The following ARHGEF1 variants were observed in gnomAD, a reference collection of about 807,000 sequenced individuals.
ARHGEF1 encodes the protein Rho guanine nucleotide exchange factor 1, also known as 115 kDa guanine nucleotide exchange factor.
In ARHGEF1, 40 loss-of-function variants were observed where a neutral mutation model predicts 119.7. The ratio of observed to expected loss-of-function variants is 0.33; its 90% CI spans 0.26 to 0.44. ARHGEF1 has a LOEUF of 0.44. Ranked by LOEUF, ARHGEF1 falls within the 20% of genes least tolerant of loss-of-function variation. The pLI is 1.00. For synonymous variants in ARHGEF1, 494 were observed against 521.0 expected (o/e 0.95, Z 0.71); for missense variants, 976 against 1,268.3 (o/e 0.77, Z 3.50).
Position 41,889,878 on chromosome 19 carries a change from T to TC in ARHGEF1, c.225+1017dup, listed in dbSNP as rs1199392701. The TC allele has an allele frequency of 4.6e-5, 7 of 151,630 alleles. No individual in the cohort carries two copies. The highest frequency in any genetic ancestry group is 1.7e-4 in the African/African-American group (7 of 41,248). The allele number at this position is 151,630 out of a possible 1,614,324, so 9.4% of individuals were successfully genotyped here. On this transcript the variant is annotated intron_variant, in intron 4 of 28. Transcript: ENST00000354532. The surrounding 1 kb of genome is among the most constrained non-coding windows in gnomAD (Gnocchi z 4.0). ...GACTCTGGCCCTCTGAGCAAGGGAG[T>TC]CCCCTATTCAAGCCTTGGGGTTTCT... is the stretch of plus-strand genomic sequence containing the variant.
intron 1 of ARHGEF1, among the ~76,000 whole-genome samples, chr19:41,886,411 A>G (rs1555845255): frequency 6.6e-6 from 1 of 151,924 alleles, no homozygotes; most frequent in Non-Finnish European, 1.5e-5. Context: ...GAGCGTTTCT[A>G]CCTCTGAGTG....
downstream of ARHGEF1, chr19:41,910,215 AGGGACCT>A (rs376855465): frequency 9.8e-7 from 1 of 1,019,136 alleles, no homozygotes; most frequent in African/African-American, 1.6e-5. This position sits in a 1 kb window ranked among gnomAD's most constrained non-coding sequence, Gnocchi z 4.4. Flanking sequence ...AGGCATCTTT[AGGGACCT>A]GGTTTCCACA....
exon 1 of ARHGEF1, chr19:41,923,219 T>C (rs781995091): frequency 4.4e-6 from 2 of 455,882 alleles, no homozygotes; most frequent in Non-Finnish European, 4.4e-6. Flanking sequence ...GAGGTGAGCC[T>C]GGACTTGAAT....
intron 18 of ARHGEF1, among the ~76,000 whole-genome samples, chr19:41,914,587 CT>C (rs1348138912): frequency 4.3e-5 from 3 of 70,260 alleles, no homozygotes; most frequent in Non-Finnish European, 8.6e-5. Flanking sequence ...CTCTCCCTCC[CT>C]TTCCACCATC....
At position 41,895,448 on chromosome 19, in the gene ARHGEF1, T is replaced by C; in HGVS notation, c.977T>C (p.Leu326Pro). The change falls in exon 12 of 29, where the codon CTG becomes CCG. Residue 326 changes from leucine to proline, a missense_variant. Around this residue, in one of 3 missense-constraint regions of ARHGEF1, gnomAD observed 519 missense variants for 580.9 expected, o/e 0.89. Coordinates refer to ENST00000354532, the MANE Select transcript of ARHGEF1 (RefSeq NM_004706.4). ...APGQDTPGVS[L>P]HPLSLDSPDR... ...GGGCAGGACACCCCTGGAGTCTCTC[T>C]GCACCCTCTGTCCCTGGACAGCCCA... 9 of 1,612,032 alleles carry C rather than the reference T, an allele frequency of 5.6e-6. No homozygotes were observed. Among genetic ancestry groups the C allele is most frequent in the Non-Finnish European group, 6.8e-6 (8 of 1,179,480 alleles).
intron 4 of ARHGEF1, chr19:41,890,366 G>T (rs2123390284): frequency 6.6e-6 from 1 of 151,456 alleles, no homozygotes; most frequent in African/African-American, 2.4e-5. Context: ...AAAAAGTGGG[G>T]CCGGGCATGG....
chr19:41,906,941 CTCTGTGTCTCTGTTTCTGATAA>C lies in ARHGEF1; in HGVS notation c.*17+144_*18-137del. 4.2e-6 allele frequency: 4 copies of C among 942,588 alleles called. No homozygotes were observed. The African/African-American group carries it at 6.7e-5, about 16-fold the overall frequency. 58.4% of individuals were successfully genotyped at this position (942,588 alleles called of 1,614,324 possible). ...CCCCACTCCACCTCGTGTTTCTCAT[CTCTGTGTCTCTGTTTCTGATAA>C]TCTGTTTCTCTGTCTCTGTGCCCGC... On this transcript the variant is annotated intron_variant, in intron 28 of 28. Transcript: ENST00000354532. The surrounding 1 kb of genome is among the most constrained non-coding windows in gnomAD (Gnocchi z 4.5).
downstream of ARHGEF1, chr19:41,907,649 A>G: frequency 4.5e-6 from 2 of 441,198 alleles, no homozygotes; most frequent in South Asian, 3.3e-5. Flanking sequence ...TCTCCCTGAC[A>G]CCGCCCTCCA....
downstream of ARHGEF1, among the ~76,000 whole-genome samples, chr19:41,910,498 C>A (rs1189588154): frequency 6.6e-6 from 1 of 152,116 alleles, no homozygotes; most frequent in Non-Finnish European, 1.5e-5. The surrounding 1 kb of genome is among the most constrained non-coding windows in gnomAD (Gnocchi z 4.4). Context: ...GTCTCTTGTA[C>A]CCTGCGGTGC....
In ARHGEF1 at chr19:41,883,996, G is replaced by T. The variant is rs1487599164; in HGVS notation, c.-20+707G>T. ...ATTGCTTTTCCGGTTCCAAAGGAAG[G>T]GGCTGGGGGTGGGAGACGGAGGGGA... On this transcript the variant is annotated intron_variant, in intron 1 of 28. Transcript: ENST00000354532. The surrounding 1 kb of genome is among the most constrained non-coding windows in gnomAD (Gnocchi z 7.6). 1.3e-5 allele frequency among the ~76,000 whole-genome samples: 2 copies of T among 152,212 alleles called. No homozygotes were observed. The highest frequency in any genetic ancestry group is 2.9e-5 in the Non-Finnish European group (2 of 68,042).
Position 41,905,882 on chromosome 19 carries a change from G to C in ARHGEF1, c.2404+55G>C, listed in dbSNP as rs1414550738. The stretch of plus-strand genomic sequence containing the variant: ...CCAGGTTGGGGCTGCCGGGTGAAGA[G>C]AGGCATCCACAGGAGGCCCGGCAGG... On this transcript the variant is annotated intron_variant, in intron 25 of 28. Coordinates refer to ENST00000354532, the MANE Select transcript of ARHGEF1 (RefSeq NM_004706.4). This position sits in a 1 kb window ranked among gnomAD's most constrained non-coding sequence, Gnocchi z 6.4. 4.3e-6 allele frequency: 7 copies of C among 1,613,026 alleles called. No individual in the cohort carries two copies. In the South Asian group the frequency reaches 5.5e-5, roughly 13 times the overall value.
At chr19:41,919,675 C>T (rs188942531), upstream of ARHGEF1, among the ~76,000 whole-genome samples, 17 of 152,216 alleles carry the variant, frequency 1.1e-4, no homozygotes, top group Non-Finnish European at 2.1e-4. Context: ...TCCTCAGCTG[C>T]GTCCTTCACA....
chr19:41,926,206 A>G (rs782180636), intron 1 of ARHGEF1, among the ~76,000 whole-genome samples: 4 of 151,432 alleles, frequency 2.6e-5, no homozygotes, highest in Non-Finnish European at 5.9e-5. Context: ...AGGGGCAGGT[A>G]AGAGGGGACG....
At position 41,894,372 on chromosome 19, in the gene ARHGEF1, C is replaced by T. The variant is rs2074441723; in HGVS notation, c.744+66C>T. On this transcript the variant is annotated intron_variant, in intron 9 of 28. Coordinates refer to ENST00000354532, the MANE Select transcript of ARHGEF1 (RefSeq NM_004706.4). ...GAGACGCCCTGGGAGCCTCATGACT[C>T]TGGATACCTAGCGTCAAATTCTGCT... 12 of 1,518,286 alleles carry T rather than the reference C, an allele frequency of 7.9e-6. No homozygotes were observed. The Admixed American group carries it at 1.1e-4, about 13-fold the overall frequency. 94.1% of individuals were successfully genotyped at this position (1,518,286 alleles called of 1,614,324 possible).
chr19:41,929,634 A>G (rs1235416582), intron 2 of ARHGEF1: 2 of 121,878 alleles, frequency 1.6e-5, no homozygotes, highest in African/African-American at 6.5e-5. Flanking sequence ...ACCACCCCCG[A>G]CTTTTCTCTC....
chr19:41,923,091 G>A (rs1295181622), upstream of ARHGEF1: 2 of 454,756 alleles, frequency 4.4e-6, no homozygotes, highest in African/African-American at 4.0e-5. Context: ...GCTTCCCTCA[G>A]CACCCCATCC....
chr19:41,909,860 C>A, downstream of ARHGEF1: 3 of 1,605,766 alleles, frequency 1.9e-6, no homozygotes, highest in Non-Finnish European at 1.7e-6. The surrounding 1 kb of genome is among the most constrained non-coding windows in gnomAD (Gnocchi z 5.2). Context: ...AGCCCTTCCT[C>A]ACCGCAGGGC....
At chr19:41,884,520 T>C in intron 1 of ARHGEF1, 1 of 1,605,234 alleles carries the variant, frequency 6.2e-7, no homozygotes. Context: ...CCAGCGGGTG[T>C]CAGACCCTGA....
intron 13 of ARHGEF1, 90 bp from the exon 14 acceptor site, chr19:41,898,352 G>C (rs1210263110): frequency 6.5e-7 from 1 of 1,537,322 alleles, no homozygotes; most frequent in South Asian, 1.2e-5. Flanking sequence ...GAATGCCAAG[G>C]CCACTGACCG....
Sources: gnomAD v4.1 joint callset for allele counts (sites outside exome capture counted in the v4.1 genomes callset) on GRCh38, gnomAD v4.1.1 for gene constraint, gnomAD v4.1.1 regional missense constraint, Gnocchi (gnomAD v3.1) non-coding constraint, MANE v1.5 for transcripts, NCBI Gene and HGNC (gene_info 2026-07-23, HGNC 2026-07-21) for gene names.